RCC1: variants seen among roughly 807,000 people sequenced by gnomAD.
RCC1 encodes regulator of chromosome condensation.
A neutral mutation model predicts 44.4 loss-of-function variants in RCC1; 11 were observed. That is an observed-to-expected ratio of 0.25 (90% confidence interval 0.16 to 0.41). The LOEUF (loss-of-function observed/expected upper bound fraction) is 0.41. Ranked by LOEUF, RCC1 falls within the 10% of genes least tolerant of loss-of-function variation. RCC1 has a pLI of 1.00. For synonymous variants in RCC1, 213 were observed against 216.5 expected, an observed-to-expected ratio of 0.98 and a Z score of 0.14; for missense variants, 386 against 547.1, an observed-to-expected ratio of 0.71 and a Z score of 2.94.
Position 28,536,784 on chromosome 1 carries a change from G to T in RCC1, c.975G>T (p.Arg325=). Residue 325 remains arginine, a synonymous_variant, in exon 12 of 13, where the codon CGG becomes CGT. Coordinates refer to ENST00000683442, the MANE Select transcript of RCC1 (RefSeq NM_001381865.2). The surrounding 1 kb of genome is among the most constrained non-coding windows in gnomAD (Gnocchi z 4.9). ...GCCTGGGCCGGGCTGAGTATGGGCG[G>T]CTGGGCCTTGGAGAGGGTGCTGAGG... The part of the protein sequence containing the change: ...AYSLGRAEYG[R]LGLGEGAEEK... 6.2e-7 allele frequency: 1 copy of T among 1,614,150 alleles called. No individual in the cohort carries two copies. Among genetic ancestry groups the T allele is most frequent in the East Asian group, 2.2e-5 (1 of 44,878 alleles).
At chr1:28,517,210 A>G (rs1662948862) in intron 4 of RCC1, among the ~76,000 whole-genome samples, 2 of 152,146 alleles carry the variant, frequency 1.3e-5, no homozygotes, top group Non-Finnish European at 2.9e-5. Flanking sequence ...TCAGAGTCTG[A>G]ATCAACATGA....
At position 28,538,104 on chromosome 1, in the gene RCC1, C is replaced by A. The variant is rs577542748; in HGVS notation, c.*97C>A. On this transcript the variant is annotated 3_prime_UTR_variant, in exon 13 of 13. Transcript: ENST00000683442. ...AGATGGCAGCGGGCCTCTCCCCAGC[C>A]CTGAGCACTGTGTCAGTTCCTGCCT... 178 of 1,092,028 alleles carry A rather than the reference C, an allele frequency of 1.6e-4. 2 individuals carry two copies. In the South Asian group the frequency reaches 2.8e-3, roughly 17 times the overall value. The allele number at this position is 1,092,028 out of a possible 1,614,324, so 67.6% of individuals were successfully genotyped here.
At chr1:28,511,604 C>T (rs955094971) in intron 3 of RCC1, among the ~76,000 whole-genome samples, 53 of 151,728 alleles carry the variant, frequency 3.5e-4, no homozygotes, top group African/African-American at 1.2e-3. Context: ...CTCCTGACCT[C>T]GTGATCCGCC....
At chr1:28,523,640 A>G (rs1570192112) in intron 4 of RCC1, among the ~76,000 whole-genome samples, 1 of 152,170 alleles carries the variant, frequency 6.6e-6, no homozygotes, top group South Asian at 2.1e-4. Context: ...CAGCCCAGCC[A>G]TCAGCACCAA....
chr1:28,527,054 G>A, intron 4 of RCC1: 3 of 833,190 alleles, frequency 3.6e-6, no homozygotes, highest in Non-Finnish European at 6.4e-6. Flanking sequence ...TGCATGGTAT[G>A]AGGAACTGGT....
rs189756809 is a variant in RCC1 at position 28,511,432 on chromosome 1, G to C, written c.-153+2527G>C. On this transcript the variant is annotated intron_variant, in intron 3 of 12. Coordinates refer to ENST00000683442, the MANE Select transcript of RCC1 (RefSeq NM_001381865.2). The stretch of plus-strand genomic sequence containing the variant: ...TTTTTTTTTTTTGAGAGGGAGTCTC[G>C]CTCTGTCGCCCAGGCTGGAGTGCAG... 5.5e-5 allele frequency among the ~76,000 whole-genome samples: 8 copies of C among 146,164 alleles called. No homozygotes were observed. The South Asian group carries it at 1.5e-3, about 27-fold the overall frequency.
At chr1:28,532,614 C>A in intron 7 of RCC1, 2 of 521,726 alleles carry the variant, frequency 3.8e-6, no homozygotes, top group Non-Finnish European at 7.2e-6. Context: ...TGAGGCTGAT[C>A]CAGGAGGCCT....
chr1:28,535,812 G>T (rs1004766132), intron 9 of RCC1, 59 bp from the exon 10 acceptor site: 31 of 1,561,306 alleles, frequency 2.0e-5, no homozygotes, highest in Middle Eastern at 3.4e-4. Context: ...TAAACTCGGG[G>T]CAGAGAGAAG....
chr1:28,515,343 GGGA>G (rs1355988928), intron 3 of RCC1, among the ~76,000 whole-genome samples: 1 of 151,042 alleles, frequency 6.6e-6, no homozygotes, highest in African/African-American at 2.4e-5. Context: ...CCAGCTACTC[GGGA>G]GGCTGAGGCA....
intron 2 of RCC1, chr1:28,508,465 C>G (rs1662211259): frequency 9.1e-6 from 4 of 440,322 alleles, no homozygotes; most frequent in Middle Eastern, 3.3e-4. Flanking sequence ...ACATGTGTAG[C>G]CTGAGCTGAG....
In RCC1 at chr1:28,535,122, G is replaced by A. The variant is rs773841273; in HGVS notation, c.514G>A (p.Val172Met). The change falls in exon 8 of 13, where the codon GTG (valine) becomes ATG (methionine). Residue 172 changes from valine to methionine, a missense_variant. Transcript: ENST00000683442. Reference protein sequence around the residue: ...SMVPVQVQLDVPVVKVASGND... With the variant: ...SMVPVQVQLDMPVVKVASGND... ...GGTGCCTGTGCAGGTGCAGCTGGAT[G>A]TGCCTGTGGTAAAGGTGGCCTCAGG... 3.1e-6 allele frequency: 5 copies of A among 1,614,076 alleles called. No individual in the cohort carries two copies. The highest frequency in any genetic ancestry group is 3.4e-6 in the Non-Finnish European group (4 of 1,180,008).
chr1:28,526,467 CT>C, intron 4 of RCC1: 1 of 546,270 alleles, frequency 1.8e-6, no homozygotes, highest in Non-Finnish European at 3.5e-6. Context: ...ACCATTCTTT[CT>C]TGGTGTATTT....
chr1:28,515,582 T>G (rs1250043452), intron 3 of RCC1, among the ~76,000 whole-genome samples: 1 of 150,502 alleles, frequency 6.6e-6, no homozygotes, highest in Non-Finnish European at 1.5e-5. Flanking sequence ...CCGGGCATGG[T>G]GGTGCGTGTC....
At chr1:28,509,117 AAAAGTCGACCTGTTTTG>A in intron 3 of RCC1, 1 of 328,728 alleles carries the variant, frequency 3.0e-6, no homozygotes, top group Non-Finnish European at 6.0e-6. Context: ...TACCTCTTTT[AAAAGTCGACCTGTTTTG>A]CAGAAAGTCT....
chr1:28,508,113 T>TTA lies in RCC1; in HGVS notation c.-261-15_-261-14insTA, dbSNP rs1662173296. On this transcript the variant is annotated splice_polypyrimidine_tract_variant and intron_variant, in intron 1 of 12. Transcript: ENST00000683442. ...GGGTTTTGCTGTACTAATAGATTAA[T>TTA]ATCTTGTTTTGCAGGATTTGTTAAG... 1 of 443,292 alleles carries TTA rather than the reference T, an allele frequency of 2.3e-6. No homozygotes were observed. The highest frequency in any genetic ancestry group is 2.0e-5 in the African/African-American group (1 of 49,820). 27.5% of individuals were successfully genotyped at this position (443,292 alleles called of 1,614,324 possible). A position where few individuals can be genotyped will look rare whatever the true frequency, so the allele number is the denominator to read the frequency against.
At chr1:28,530,573 G>C in intron 5 of RCC1, 3 of 1,606,198 alleles carry the variant, frequency 1.9e-6, no homozygotes, top group Non-Finnish European at 2.5e-6. Context: ...CTCCTGCCAA[G>C]GTGCCTGCGG....
At chr1:28,507,143 T>A (rs1220802119) in intron 1 of RCC1, 2 of 276,148 alleles carry the variant, frequency 7.2e-6, no homozygotes, top group Non-Finnish European at 1.5e-5. Flanking sequence ...CTAATTGTTG[T>A]CTTTGCTTCT....
rs752449648 is a variant in RCC1 at position 28,537,989 on chromosome 1, G to A, written c.1248G>A (p.Lys416=). The change falls in exon 13 of 13, where the codon AAG becomes AAA. Residue 416 remains lysine, a synonymous_variant. Transcript: ENST00000683442. ...GCCAGCATACAGTCTTATTAGTCAA[G>A]GACAAAGAACAGAGCTGATGAAGCC... ...SGGQHTVLLV[K]DKEQS 5 of 1,613,640 alleles carry A rather than the reference G, an allele frequency of 3.1e-6. No individual in the cohort carries two copies. In the South Asian group the frequency reaches 3.3e-5, roughly 11 times the overall value.
chr1:28,508,049 C>T, intron 1 of RCC1, 79 bp from the exon 2 acceptor site: 3 of 400,530 alleles, frequency 7.5e-6, no homozygotes, highest in South Asian at 3.5e-5. Context: ...GTACTCCAAC[C>T]CCAGGCGATA....
Sources: allele counts gnomAD v4.1 joint callset (sites outside exome capture counted in the v4.1 genomes callset), GRCh38; gene constraint gnomAD v4.1.1; non-coding constraint Gnocchi (gnomAD v3.1); transcripts MANE v1.5; gene names NCBI Gene and HGNC (gene_info 2026-07-23, HGNC 2026-07-21).